Variants in ATP6V1C2 observed in about 807,000 individuals in gnomAD.
ATP6V1C2 encodes V-type proton ATPase subunit C 2.
Under a neutral mutation model 56.8 loss-of-function variants are expected in ATP6V1C2, and 45 were observed. That is an observed-to-expected ratio of 0.79 (90% CI 0.62 to 1.02). The LOEUF (loss-of-function observed/expected upper bound fraction) is 1.02. Among genes scored for constraint, ATP6V1C2 ranks in the 50% least tolerant of loss-of-function variants. The pLI is 0.00. For synonymous variants in ATP6V1C2, 220 were observed against 201.3 expected, an observed-to-expected ratio of 1.09 and a Z score of -0.79; for missense variants, 463 against 519.7, an observed-to-expected ratio of 0.89 and a Z score of 1.06.
rs969210905 is a variant in ATP6V1C2, at chr2:10,735,257, C to A, written c.197+8688C>A. On this transcript the variant is annotated intron_variant, in intron 3 of 13. Transcript: ENST00000272238. ...TGATCTTGGCTGACTGCTACCTCCC[C>A]CTCCTGGGTTCAAACAAATCTCCTG... 8.5e-5 allele frequency among the ~76,000 whole-genome samples: 13 copies of A among 152,264 alleles called. No homozygotes were observed. In the East Asian group the frequency reaches 1.3e-3, roughly 16 times the overall value.
chr2:10,725,936 G>A (rs889096212), intron 2 of ATP6V1C2, among the ~76,000 whole-genome samples: 4 of 151,924 alleles, frequency 2.6e-5, no homozygotes, highest in African/African-American at 4.8e-5. Context: ...AAAATTAGCC[G>A]TGCATGATGG....
At chr2:10,743,981 CAAAAA>C (rs61311440) in intron 3 of ATP6V1C2, among the ~76,000 whole-genome samples, 3 of 90,708 alleles carry the variant, frequency 3.3e-5, no homozygotes, top group African/African-American at 3.2e-5. Context: ...GATTCAGTCT[CAAAAA>C]AAAAAAAAAA....
chr2:10,776,106 C>T (rs1231827998), intron 10 of ATP6V1C2, among the ~76,000 whole-genome samples: 1 of 135,238 alleles, frequency 7.4e-6, no homozygotes, highest in Non-Finnish European at 1.6e-5. Flanking sequence ...GCCACCCCGT[C>T]ACAAGCGAGC....
rs577962146 is a variant in ATP6V1C2 at position 10,732,377 on chromosome 2, G to A, written c.197+5808G>A. ...GGGTTCAAGTGATTCTCCTGCCTCA[G>A]CCTTCCAAATAGCTGGATTACAGGC... is the stretch of plus-strand genomic sequence containing the variant. On this transcript the variant is annotated intron_variant, in intron 3 of 13. Coordinates refer to ENST00000272238, the MANE Select transcript of ATP6V1C2 (RefSeq NM_001039362.2). Among the ~76,000 whole-genome samples the A allele has an allele frequency of 5.3e-5, 8 of 152,088 alleles. 1 individual carries two copies. The highest frequency in any genetic ancestry group is 5.2e-4 in the Admixed American group (8 of 15,272).
At chr2:10,760,399 G>A (rs938057617) in intron 4 of ATP6V1C2, among the ~76,000 whole-genome samples, 1 of 152,156 alleles carries the variant, frequency 6.6e-6, no homozygotes, top group Non-Finnish European at 1.5e-5. Context: ...CAGAGGGGTG[G>A]CAGAGGGCCG....
chr2:10,728,152 G>C (rs912622995), intron 3 of ATP6V1C2, among the ~76,000 whole-genome samples: 2 of 152,146 alleles, frequency 1.3e-5, no homozygotes, highest in Non-Finnish European at 2.9e-5. Flanking sequence ...TGCAATCATA[G>C]CTCAGTGCAG....
intron 3 of ATP6V1C2, among the ~76,000 whole-genome samples, chr2:10,741,848 C>T (rs962489599): frequency 3.3e-5 from 5 of 152,050 alleles, no homozygotes; most frequent in East Asian, 3.9e-4. Context: ...AACCTGGTTG[C>T]GCTCTTCCCA....
chr2:10,736,380 C>T (rs1428696447), intron 3 of ATP6V1C2, among the ~76,000 whole-genome samples: 1 of 152,136 alleles, frequency 6.6e-6, no homozygotes, highest in Non-Finnish European at 1.5e-5. Flanking sequence ...GGAGTAGATT[C>T]GCAAATTGCA....
chr2:10,726,695 G>GA (rs1661658343), intron 3 of ATP6V1C2, 126 bp downstream of exon 3: 1 of 848,990 alleles, frequency 1.2e-6, no homozygotes, highest in Non-Finnish European at 1.9e-6. Flanking sequence ...AGTGAGCAGA[G>GA]AAAACCGATC....
rs774445656 is a variant in ATP6V1C2, at chr2:10,777,605, T to TA, written c.851dup (p.Ser286IlefsTer10). 1.9e-6 allele frequency: 3 copies of TA among 1,613,626 alleles called. No homozygotes were observed. In the East Asian group the frequency reaches 6.7e-5, roughly 36 times the overall value. On this transcript the variant is annotated frameshift_variant, in exon 11 of 14. Coordinates refer to ENST00000272238, the MANE Select transcript of ATP6V1C2 (RefSeq NM_001039362.2). LOFTEE classifies it high-confidence loss of function. ...TTTAGCAAACTTCCTGTGTTGCTCT[T>TA]AAAAAGGGATCATCCACCTTCCCGG... is the stretch of plus-strand genomic sequence containing the variant.
Position 10,784,114 on chromosome 2 carries a change from G to A in ATP6V1C2, c.*851G>A. ...AGATGCAAAAGTTCACTGTTGCAGTGTTTTCAAATGACCAATCAAGTACTA... is the reference window on the plus strand; with the variant it reads ...AGATGCAAAAGTTCACTGTTGCAGTATTTTCAAATGACCAATCAAGTACTA... On this transcript the variant is annotated 3_prime_UTR_variant, in exon 14 of 14. Transcript: ENST00000272238. The A allele has an allele frequency of 2.0e-6, 1 of 507,954 alleles. No individual in the cohort carries two copies. Among genetic ancestry groups the A allele is most frequent in the East Asian group, 3.1e-5 (1 of 32,124 alleles). 31.5% of individuals were successfully genotyped at this position (507,954 alleles called of 1,614,324 possible). A position where few individuals can be genotyped will look rare whatever the true frequency, so the allele number is the denominator to read the frequency against.
intron 3 of ATP6V1C2, among the ~76,000 whole-genome samples, chr2:10,737,054 T>C (rs1662287936): frequency 6.6e-6 from 1 of 152,108 alleles, no homozygotes; most frequent in Admixed American, 6.6e-5. Flanking sequence ...CAGTCAATTC[T>C]GCAATTTTTA....
At chr2:10,737,805 T>G (rs1159757021) in intron 3 of ATP6V1C2, among the ~76,000 whole-genome samples, 1 of 152,162 alleles carries the variant, frequency 6.6e-6, no homozygotes, top group Non-Finnish European at 1.5e-5. Context: ...GCGATTCTCC[T>G]GCCTCAGCCT....
intron 3 of ATP6V1C2, among the ~76,000 whole-genome samples, chr2:10,745,348 CT>C (rs1229971116): frequency 1.5e-5 from 2 of 137,494 alleles, no homozygotes; most frequent in African/African-American, 5.5e-5. Context: ...TATTTGTTAC[CT>C]TTTTAACCGT....
intron 12 of ATP6V1C2, among the ~76,000 whole-genome samples, chr2:10,779,792 C>T (rs895040917): frequency 1.3e-5 from 2 of 151,594 alleles, no homozygotes; most frequent in African/African-American, 4.9e-5. Flanking sequence ...CAGGAGAGAA[C>T]ACTGCCAGCG....
chr2:10,768,687 G>C, intron 5 of ATP6V1C2, 32 bp from the exon 6 acceptor site: 1 of 1,597,082 alleles, frequency 6.3e-7, no homozygotes, highest in Non-Finnish European at 8.6e-7. Flanking sequence ...CAATGCTCAG[G>C]GTCACCTGGA....
chr2:10,772,366 T>A (rs1270843260), intron 7 of ATP6V1C2, among the ~76,000 whole-genome samples, 176 bp from the exon 8 acceptor site: 1 of 152,088 alleles, frequency 6.6e-6, no homozygotes, highest in Non-Finnish European at 1.5e-5. Flanking sequence ...CTGTGGAGGC[T>A]GGGCAGGGGA....
chr2:10,752,264 T>C (rs1370432551), intron 3 of ATP6V1C2, among the ~76,000 whole-genome samples: 1 of 152,180 alleles, frequency 6.6e-6, no homozygotes, highest in Non-Finnish European at 1.5e-5. Flanking sequence ...GGAAAGCAAG[T>C]TGCTACCTCT....
chr2:10,728,059 A>G (rs1018473586), intron 3 of ATP6V1C2, among the ~76,000 whole-genome samples: 3 of 152,068 alleles, frequency 2.0e-5, no homozygotes, highest in Non-Finnish European at 4.4e-5. Flanking sequence ...TAAAATTAAT[A>G]TTATTCATTC....
Sources: gnomAD v4.1 joint callset for allele counts (sites outside exome capture counted in the v4.1 genomes callset) on GRCh38, gnomAD v4.1.1 for gene constraint, MANE v1.5 for transcripts, NCBI Gene and HGNC (gene_info 2026-07-23, HGNC 2026-07-21) for gene names.